Variants in KIAA1671 observed in about 807,000 individuals in gnomAD.
KIAA1671 encodes the protein uncharacterized protein KIAA1671.
In KIAA1671, 52 loss-of-function variants were observed where a neutral mutation model predicts 131.2. The ratio of observed to expected loss-of-function variants is 0.40; its 90% CI spans 0.32 to 0.50. KIAA1671 has a LOEUF of 0.50. KIAA1671 is among the 20% of genes least tolerant of loss of function. The pLI is 0.73. For missense variants in KIAA1671, 2,360 were observed against 2,364.2 expected (o/e 1.00, Z 0.04); for synonymous variants, 1,003 against 961.6 (o/e 1.04, Z -0.80).
At chr22:25,066,673 T>C (rs982621247) in intron 6 of KIAA1671, among the ~76,000 whole-genome samples, 2 of 152,210 alleles carry the variant, frequency 1.3e-5, no homozygotes, top group Non-Finnish European at 2.9e-5. Context: ...TTTCCAAATA[T>C]GGTCGCATTT....
chr22:25,144,583 G>A (rs1047712065), intron 6 of KIAA1671, among the ~76,000 whole-genome samples: 40 of 152,184 alleles, frequency 2.6e-4, no homozygotes, highest in African/African-American at 8.7e-4. Flanking sequence ...AATACCCTTC[G>A]GAGTCTCATG....
intron 6 of KIAA1671, among the ~76,000 whole-genome samples, chr22:25,152,929 T>C (rs1323403283): frequency 6.6e-6 from 1 of 150,986 alleles, no homozygotes; most frequent in Non-Finnish European, 1.5e-5. Context: ...TTATTCCTGA[T>C]TTTTTTTTAA....
intron 1 of KIAA1671, among the ~76,000 whole-genome samples, chr22:25,008,196 G>GCA (rs1924851860): frequency 1.8e-4 from 3 of 16,290 alleles, no homozygotes; most frequent in Admixed American, 1.8e-3. Context: ...AGACTCCGTC[G>GCA]CAAAAAAAAA....
At chr22:25,070,135 A>G (rs962839617) in intron 6 of KIAA1671, 1 of 370,930 alleles carries the variant, frequency 2.7e-6, no homozygotes, top group Non-Finnish European at 4.8e-6. Flanking sequence ...ACGAGAAGCC[A>G]GAGATGCCCC....
chr22:25,111,573 A>G (rs1335787166), intron 6 of KIAA1671, among the ~76,000 whole-genome samples: 1 of 152,226 alleles, frequency 6.6e-6, no homozygotes, highest in East Asian at 1.9e-4. Context: ...GCCGGCCGAC[A>G]GGTTTGGAAT....
At chr22:25,073,382 GTT>G (rs1333289221) in intron 6 of KIAA1671, among the ~76,000 whole-genome samples, 1 of 148,842 alleles carries the variant, frequency 6.7e-6, no homozygotes, top group African/African-American at 2.5e-5. Context: ...AATTTTTAAA[GTT>G]TTAAATAAAT....
At chr22:25,103,300 T>C (rs1483176334) in intron 6 of KIAA1671, among the ~76,000 whole-genome samples, 4 of 149,998 alleles carry the variant, frequency 2.7e-5, no homozygotes, top group Admixed American at 6.7e-5. Context: ...AACCTCTGCC[T>C]CCCAGGTTCA....
intron 1 of KIAA1671, among the ~76,000 whole-genome samples, chr22:24,971,458 C>G (rs930273161): frequency 2.1e-5 from 3 of 142,862 alleles, no homozygotes; most frequent in African/African-American, 8.5e-5. Flanking sequence ...TGGGGCTGTT[C>G]TTGAGAAAAG....
intron 6 of KIAA1671, among the ~76,000 whole-genome samples, chr22:25,156,142 C>A (rs1448420740): frequency 6.7e-6 from 1 of 149,260 alleles, no homozygotes; most frequent in Non-Finnish European, 1.5e-5. Flanking sequence ...CCTGCCTCAG[C>A]CTCCCGAGTA....
intron 6 of KIAA1671, among the ~76,000 whole-genome samples, chr22:25,082,375 G>T (rs577166514): frequency 6.6e-6 from 1 of 152,318 alleles, no homozygotes; most frequent in South Asian, 2.1e-4. Context: ...ACCACAATGC[G>T]CAGAGGCCAG....
chr22:24,981,836 G>C (rs889604652), intron 1 of KIAA1671, among the ~76,000 whole-genome samples: 16 of 152,204 alleles, frequency 1.1e-4, no homozygotes, highest in Admixed American at 2.6e-4. Context: ...GAGCCTGGGA[G>C]GTTGAAGCTG....
chr22:25,111,255 A>T (rs183797073), intron 6 of KIAA1671, among the ~76,000 whole-genome samples: 3 of 152,336 alleles, frequency 2.0e-5, no homozygotes, highest in Admixed American at 1.3e-4. Context: ...ACACACATGC[A>T]CACACGTGCA....
chr22:24,954,419 G>C (rs1414929862), intron 1 of KIAA1671, among the ~76,000 whole-genome samples: 1 of 152,148 alleles, frequency 6.6e-6, no homozygotes, highest in Non-Finnish European at 1.5e-5. Context: ...CTGGCAGGGG[G>C]ATCCTTTTTA....
rs1555877745 is a variant in KIAA1671 at position 25,093,824 on chromosome 22, T to TCTCTC, written c.4530+44460_4530+44461insCTCTC. ...TCTCTCTCTCTCTGTCTCTCTCTCT[T>TCTCTC]TCTCTCTCTGTCTGTCTCTCTCTCT... On this transcript the variant is annotated intron_variant, in intron 6 of 12. Coordinates refer to ENST00000358431, the MANE Select transcript of KIAA1671 (RefSeq NM_001145206.2). 1.4e-3 allele frequency among the ~76,000 whole-genome samples: 31 copies of TCTCTC among 21,946 alleles called. 4 individuals are homozygous for TCTCTC. Among genetic ancestry groups the TCTCTC allele is most frequent in the South Asian group, 1.7e-3 (1 of 590 alleles). 14.4% of individuals were successfully genotyped at this position (21,946 alleles called of 152,430 possible).
chr22:25,027,932 T>G lies in KIAA1671; in HGVS notation c.-55-13T>G. ...TTTCCAAATTTACTTGTTTGTTTGT[T>G]TTGTTTGTTTAGCAATTGCTTCTCC... On this transcript the variant is annotated splice_polypyrimidine_tract_variant and intron_variant, in intron 2 of 12. Coordinates refer to ENST00000358431, the MANE Select transcript of KIAA1671 (RefSeq NM_001145206.2). 1 of 1,210,104 alleles carries G rather than the reference T, an allele frequency of 8.3e-7. No homozygotes were observed. Among genetic ancestry groups the G allele is most frequent in the Non-Finnish European group, 1.1e-6 (1 of 881,618 alleles). 75.0% of individuals were successfully genotyped at this position (1,210,104 alleles called of 1,614,324 possible).
intron 6 of KIAA1671, among the ~76,000 whole-genome samples, chr22:25,166,729 C>T (rs891770282): frequency 6.6e-6 from 1 of 152,174 alleles, no homozygotes; most frequent in East Asian, 1.9e-4. Context: ...CAAAACAGTC[C>T]TTGTTTTTCC....
At position 25,045,145 on chromosome 22, in the gene KIAA1671, A is replaced by C. The variant is rs1372384621; in HGVS notation, c.4395+3620A>C. Among the ~76,000 whole-genome samples the C allele has an allele frequency of 9.9e-5, 15 of 152,154 alleles. No individual in the cohort carries two copies. In the South Asian group the frequency reaches 3.1e-3, roughly 32 times the overall value. ...CACTGCACTCCAGCCTGGGCGACAG[A>C]GAGAGACTCCGTCTCAAAGAAAAAA... is the stretch of plus-strand genomic sequence containing the variant. On this transcript the variant is annotated intron_variant, in intron 5 of 12. Transcript: ENST00000358431.
intron 6 of KIAA1671, chr22:25,070,502 C>T: frequency 4.8e-6 from 2 of 414,902 alleles, no homozygotes; most frequent in Middle Eastern, 3.1e-4. Context: ...TGCTTTTTGG[C>T]TGTGTCTGGT....
At chr22:25,109,033 T>TC (rs1931187459) in intron 6 of KIAA1671, among the ~76,000 whole-genome samples, 1 of 152,112 alleles carries the variant, frequency 6.6e-6, no homozygotes, top group Admixed American at 6.6e-5. Flanking sequence ...CGGCTGGCTT[T>TC]CCCCAGTATG....
Sources: allele counts gnomAD v4.1 joint callset (sites outside exome capture counted in the v4.1 genomes callset), GRCh38; gene constraint gnomAD v4.1.1; transcripts MANE v1.5; gene names NCBI Gene and HGNC (gene_info 2026-07-23, HGNC 2026-07-21).